KITLG: variants seen among roughly 807,000 people sequenced by gnomAD.
KITLG encodes the protein c-Kit ligand.
Under a neutral mutation model 34.1 loss-of-function variants are expected in KITLG, and 13 were observed. That is an observed-to-expected ratio of 0.38 (90% CI 0.25 to 0.61). The LOEUF (loss-of-function observed/expected upper bound fraction) is 0.61. KITLG is among the 20% of genes least tolerant of loss of function. KITLG has a pLI of 0.60. For synonymous variants in KITLG, 110 were observed against 104.0 expected (o/e 1.06, Z -0.35); for missense variants, 292 against 318.9 (o/e 0.92, Z 0.64).
At position 88,493,936 on chromosome 12, in the gene KITLG, A is replaced by G. The variant is rs1198487651; in HGVS notation, c.*3283T>C. The G allele has an allele frequency of 6.6e-6, 1 of 152,000 alleles. No individual in the cohort carries two copies. Among genetic ancestry groups the G allele is most frequent in the Non-Finnish European group, 1.5e-5 (1 of 67,888 alleles). The allele number at this position is 152,000 out of a possible 1,614,324, so 9.4% of individuals were successfully genotyped here. On this transcript the variant is annotated 3_prime_UTR_variant, in exon 10 of 10. Transcript: ENST00000644744. ...ACTTTTACTAATGGACACTATTTAC[A>G]TTAGAAACAAGAACAGCAATGACTT...
chr12:88,533,758 G>A (rs1026767744), intron 2 of KITLG, among the ~76,000 whole-genome samples: 5 of 151,934 alleles, frequency 3.3e-5, no homozygotes, highest in Middle Eastern at 3.2e-3. Flanking sequence ...AGGTCATCTC[G>A]CACAAGTTTA....
chr12:88,525,841 G>T (rs1486919165), intron 3 of KITLG, among the ~76,000 whole-genome samples: 2 of 152,138 alleles, frequency 1.3e-5, no homozygotes, highest in Non-Finnish European at 2.9e-5. Context: ...AGTAGCACCT[G>T]ATCAAATGAT....
intron 1 of KITLG, among the ~76,000 whole-genome samples, chr12:88,569,210 C>G (rs1448804722): frequency 6.6e-6 from 1 of 152,164 alleles, no homozygotes; most frequent in Non-Finnish European, 1.5e-5. Flanking sequence ...AAGCCAGCCA[C>G]CACATATTGG....
chr12:88,506,640 G>A (rs1370821154), intron 7 of KITLG, among the ~76,000 whole-genome samples: 1 of 152,172 alleles, frequency 6.6e-6, no homozygotes, highest in African/African-American at 2.4e-5. Flanking sequence ...TCAAGAAGCT[G>A]AGTCACAATG....
chr12:88,573,873 G>T (rs1421526341), intron 1 of KITLG, among the ~76,000 whole-genome samples: 1 of 152,154 alleles, frequency 6.6e-6, no homozygotes, highest in Admixed American at 6.5e-5. Flanking sequence ...GGCATTCTTT[G>T]TGAGCAACAG....
intron 3 of KITLG, among the ~76,000 whole-genome samples, chr12:88,527,567 T>C (rs776271220): frequency 1.3e-5 from 2 of 152,242 alleles, no homozygotes; most frequent in Non-Finnish European, 2.9e-5. Flanking sequence ...TAGCAAAGAT[T>C]GGTTCAGGTA....
At chr12:88,520,670 G>T (rs547962748) in intron 3 of KITLG, among the ~76,000 whole-genome samples, 109 of 151,908 alleles carry the variant, frequency 7.2e-4, no homozygotes, top group South Asian at 2.9e-3. Context: ...TGGGTACTTT[G>T]TTCATTTTGC....
chr12:88,522,423 A>G (rs1592845017), intron 3 of KITLG, among the ~76,000 whole-genome samples: 1 of 121,238 alleles, frequency 8.2e-6, no homozygotes, highest in Non-Finnish European at 1.6e-5. Context: ...TTAGATGCAC[A>G]GTCTTTTTTT....
intron 1 of KITLG, among the ~76,000 whole-genome samples, chr12:88,555,294 A>G (rs1251959019): frequency 6.6e-6 from 1 of 152,214 alleles, no homozygotes; most frequent in African/African-American, 2.4e-5. Context: ...GGCTGTGCAT[A>G]GGACAAGCAG....
intron 2 of KITLG, among the ~76,000 whole-genome samples, chr12:88,537,671 A>G (rs1351240654): frequency 2.0e-5 from 3 of 151,908 alleles, no homozygotes; most frequent in Non-Finnish European, 4.4e-5. Flanking sequence ...ATATTCTAAA[A>G]TCTGAAAAAA....
chr12:88,514,427 C>G (rs1869385884), intron 6 of KITLG, among the ~76,000 whole-genome samples: 1 of 151,588 alleles, frequency 6.6e-6, no homozygotes, highest in Non-Finnish European at 1.5e-5. Context: ...TTGACTAACA[C>G]ACAAACAGGG....
At chr12:88,504,659 G>A (rs1012204977) in intron 9 of KITLG, among the ~76,000 whole-genome samples, 2 of 152,212 alleles carry the variant, frequency 1.3e-5, no homozygotes, top group Non-Finnish European at 2.9e-5. Context: ...CTTTTACACT[G>A]TTGGTGGGAC....
chr12:88,523,231 T>G (rs997400102), intron 3 of KITLG, among the ~76,000 whole-genome samples: 1 of 152,116 alleles, frequency 6.6e-6, no homozygotes, highest in Non-Finnish European at 1.5e-5. Flanking sequence ...TCACCAGAAT[T>G]CCAGACCTAG....
At chr12:88,499,200 C>A (rs1202926089) in intron 9 of KITLG, among the ~76,000 whole-genome samples, 1 of 152,072 alleles carries the variant, frequency 6.6e-6, no homozygotes, top group Non-Finnish European at 1.5e-5. Context: ...AAGCCTAATC[C>A]TTTCTAATCA....
intron 1 of KITLG, chr12:88,546,135 A>G (rs1870712465): frequency 2.0e-6 from 1 of 512,618 alleles, no homozygotes. Flanking sequence ...GCAATTAGGA[A>G]TAAACTTGTA....
chr12:88,536,400 G>A (rs147568504), intron 2 of KITLG, among the ~76,000 whole-genome samples: 1 of 152,252 alleles, frequency 6.6e-6, no homozygotes, highest in African/African-American at 2.4e-5. Context: ...GTGTAAATTA[G>A]TTCAACCATT....
At chr12:88,542,606 C>T (rs1420936443) in intron 2 of KITLG, among the ~76,000 whole-genome samples, 2 of 151,956 alleles carry the variant, frequency 1.3e-5, no homozygotes, top group East Asian at 3.9e-4. Context: ...TAGGAACACT[C>T]CACTTCTTTT....
intron 3 of KITLG, among the ~76,000 whole-genome samples, chr12:88,525,548 A>G: frequency 6.6e-6 from 1 of 151,788 alleles, no homozygotes; most frequent in South Asian, 2.1e-4. Context: ...ACACAACAAC[A>G]AAATAATAAT....
intron 1 of KITLG, among the ~76,000 whole-genome samples, chr12:88,549,258 T>A (rs939644217): frequency 6.6e-6 from 1 of 152,156 alleles, no homozygotes; most frequent in Non-Finnish European, 1.5e-5. Flanking sequence ...ATAGGATTCA[T>A]TGCAAGATTT....
Sources: gnomAD v4.1 joint callset for allele counts (sites outside exome capture counted in the v4.1 genomes callset) on GRCh38, gnomAD v4.1.1 for gene constraint, MANE v1.5 for transcripts, NCBI Gene and HGNC (gene_info 2026-07-23, HGNC 2026-07-21) for gene names.